ZER1: variants seen among roughly 807,000 people sequenced by gnomAD.
ZER1 encodes zyg-11 related cell cycle regulator.
In ZER1, 11 loss-of-function variants were observed where a neutral mutation model predicts 78.8. That is an observed-to-expected ratio of 0.14 (90% confidence interval 0.09 to 0.23). The LOEUF is 0.23. Ranked by LOEUF, ZER1 falls within the 10% of genes least tolerant of loss-of-function variation. The pLI, the probability that ZER1 is intolerant of heterozygous loss-of-function variation, is 1.00. For synonymous variants in ZER1, 400 were observed against 407.0 expected, an observed-to-expected ratio of 0.98 and a Z score of 0.21; for missense variants, 588 against 996.9, an observed-to-expected ratio of 0.59 and a Z score of 5.52.
intron 1 of ZER1, among the ~76,000 whole-genome samples, chr9:128,761,641 G>A (rs1322479771): frequency 1.5e-5 from 2 of 132,740 alleles, no homozygotes; most frequent in Non-Finnish European, 3.1e-5. Flanking sequence ...GTCTCACTCT[G>A]TCACCCAGGC....
chr9:128,742,281 A>G (rs559108124), intron 9 of ZER1, among the ~76,000 whole-genome samples: 1 of 152,374 alleles, frequency 6.6e-6, no homozygotes, highest in South Asian at 2.1e-4. Flanking sequence ...AGCTTATGAA[A>G]GCAGGATGAG....
chr9:128,734,146 T>TATATAA (rs1862964488), intron 14 of ZER1, among the ~76,000 whole-genome samples: 1 of 22,824 alleles, frequency 4.4e-5, no homozygotes, highest in African/African-American at 1.6e-4. Flanking sequence ...AAAAAAAAAA[T>TATATAA]ATATATATAT....
intron 15 of ZER1, 41 bp from the exon 16 acceptor site, chr9:128,731,435 G>T: frequency 2.8e-6 from 4 of 1,419,940 alleles, no homozygotes; most frequent in Non-Finnish European, 3.0e-6. Context: ...GGTGGGCTTG[G>T]GTGGGGGTGA....
intron 8 of ZER1, 60 bp from the exon 9 acceptor site, chr9:128,742,805 T>C: frequency 1.3e-6 from 2 of 1,522,022 alleles, no homozygotes; most frequent in African/African-American, 1.4e-5. Flanking sequence ...AGCAGGGCTC[T>C]AGGAACTATC....
intron 1 of ZER1, among the ~76,000 whole-genome samples, chr9:128,765,255 G>A (rs957543682): frequency 1.3e-5 from 2 of 151,194 alleles, no homozygotes; most frequent in East Asian, 1.9e-4. Flanking sequence ...ACACACGTGC[G>A]CAAGCGCGCA....
rs567415365 is a variant in ZER1, at chr9:128,739,006, C to A, written c.2042+925G>T. ...AGCTGGGATTACAGGTATGTGCCAC[C>A]ACGCCAGGTTAATTTTTGTATTTTT... On this transcript the variant is annotated intron_variant, in intron 13 of 15. Transcript: ENST00000291900. Among the ~76,000 whole-genome samples the A allele has an allele frequency of 5.3e-5, 8 of 151,784 alleles. No homozygotes were observed. In the East Asian group the frequency reaches 1.6e-3, roughly 30 times the overall value.
chr9:128,733,064 A>T (rs77363747), intron 15 of ZER1: 1 of 188,896 alleles, frequency 5.3e-6, no homozygotes, highest in East Asian at 1.2e-4. Context: ...AATGTATTTT[A>T]CCACACTGTG....
intron 13 of ZER1, among the ~76,000 whole-genome samples, chr9:128,735,761 G>GTTTTTT (rs1564391224): frequency 3.7e-5 from 1 of 26,790 alleles, no homozygotes; most frequent in African/African-American, 1.2e-4. Context: ...GTGTGACCTG[G>GTTTTTT]TTTTTTTTTT....
At chr9:128,746,713 GC>G in intron 8 of ZER1, among the ~76,000 whole-genome samples, 1 of 151,566 alleles carries the variant, frequency 6.6e-6, no homozygotes, top group African/African-American at 2.4e-5. Context: ...TCGGCTCACT[GC>G]AACCTCTGCC....
chr9:128,767,379 G>A (rs2132493681), intron 1 of ZER1, among the ~76,000 whole-genome samples: 1 of 152,044 alleles, frequency 6.6e-6, no homozygotes, highest in East Asian at 1.9e-4. Flanking sequence ...TGGAGTAGCT[G>A]TGACTACAGA....
rs1316082095 is a variant in ZER1 at position 128,740,794 on chromosome 9, A to G, written c.1831T>C (p.Ser611Pro). 6.4e-6 allele frequency: 5 copies of G among 780,936 alleles called. No individual in the cohort carries two copies. The highest frequency in any genetic ancestry group is 1.2e-5 in the Non-Finnish European group (5 of 418,134). The allele number at this position is 780,936 out of a possible 1,614,324, so 48.4% of individuals were successfully genotyped here. ...AACCTGAAGACGCTGATGAACTGGG[A>G]AGTCATTAGTTGAGGCCTCAGCTCC... ...VKELRPQLMT[S>P]QFISVFSNLL... The change falls in exon 12 of 16, where the codon TCC becomes CCC. Residue 611 changes from serine (S) to proline (P), a missense_variant. Coordinates refer to ENST00000291900, the MANE Select transcript of ZER1 (RefSeq NM_006336.4). This position sits in a 1 kb window ranked among gnomAD's most constrained non-coding sequence, Gnocchi z 4.4.
At position 128,732,166 on chromosome 9, in the gene ZER1, C is replaced by A. The variant is rs1862850916; in HGVS notation, c.2244-772G>T. 6.6e-6 allele frequency among the ~76,000 whole-genome samples: 1 copy of A among 152,222 alleles called. No homozygotes were observed. The highest frequency in any genetic ancestry group is 1.5e-5 in the Non-Finnish European group (1 of 68,048). ...ATTGTCCAGGGTCATTTACTCCTTG[C>A]TGTCAGACAGGCCAGTGCCTCAGAT... On this transcript the variant is annotated intron_variant, in intron 15 of 15. Coordinates refer to ENST00000291900, the MANE Select transcript of ZER1 (RefSeq NM_006336.4). This position sits in a 1 kb window ranked among gnomAD's most constrained non-coding sequence, Gnocchi z 4.8.
At chr9:128,734,142 A>ATATATATATATATATATATATATATATAT (rs1372132455) in intron 14 of ZER1, among the ~76,000 whole-genome samples, 1 of 19,630 alleles carries the variant, frequency 5.1e-5, no homozygotes, top group African/African-American at 1.2e-4. Flanking sequence ...AAAAAAAAAA[A>ATATATATATATATATATATATATATATAT]AAATATATAT....
chr9:128,768,446 G>T (rs1864283022), intron 1 of ZER1, among the ~76,000 whole-genome samples: 1 of 152,116 alleles, frequency 6.6e-6, no homozygotes, highest in Admixed American at 6.6e-5. Context: ...GCAAGGGAAG[G>T]CCATTATTCT....
chr9:128,753,619 C>A lies in ZER1; in HGVS notation c.310-19G>T. The A allele has an allele frequency of 1.2e-6, 2 of 1,609,110 alleles. No homozygotes were observed. Among genetic ancestry groups the A allele is most frequent in the Non-Finnish European group, 1.7e-6 (2 of 1,177,590 alleles). On this transcript the variant is annotated intron_variant, in intron 3 of 15. Coordinates refer to ENST00000291900, the MANE Select transcript of ZER1 (RefSeq NM_006336.4). This position sits in a 1 kb window ranked among gnomAD's most constrained non-coding sequence, Gnocchi z 7.5. ...CCAGGTCCTGGGAGTGGGCACAGCTCCATCATCATCACCACCCTTGCCCCT... is the reference window on the plus strand; with the variant it reads ...CCAGGTCCTGGGAGTGGGCACAGCTACATCATCATCACCACCCTTGCCCCT...
At chr9:128,735,192 C>T (rs558946742) in intron 14 of ZER1, 142 bp downstream of exon 14, 28 of 740,596 alleles carry the variant, frequency 3.8e-5, no homozygotes, top group South Asian at 2.2e-4. Flanking sequence ...GTCCCACAAA[C>T]GCTGGAAAGT....
At chr9:128,738,675 G>A (rs958351553) in intron 13 of ZER1, among the ~76,000 whole-genome samples, 4 of 151,624 alleles carry the variant, frequency 2.6e-5, no homozygotes, top group African/African-American at 4.8e-5. Context: ...GTGAGCCACC[G>A]CGCCTGACCT....
chr9:128,744,295 G>A (rs536140097), intron 8 of ZER1, among the ~76,000 whole-genome samples: 199 of 152,072 alleles, frequency 1.3e-3, no homozygotes, highest in Non-Finnish European at 2.1e-3. Flanking sequence ...GGGTCCAAGC[G>A]ATTCTCCTGC....
intron 1 of ZER1, among the ~76,000 whole-genome samples, chr9:128,759,261 C>T (rs1863965272): frequency 6.6e-6 from 1 of 151,950 alleles, no homozygotes; most frequent in South Asian, 2.1e-4. Flanking sequence ...ACCTCCGCCT[C>T]TCAGGTTCAA....
Sources: gnomAD v4.1 joint callset for allele counts (sites outside exome capture counted in the v4.1 genomes callset) on GRCh38, gnomAD v4.1.1 for gene constraint, Gnocchi (gnomAD v3.1) non-coding constraint, MANE v1.5 for transcripts, NCBI Gene and HGNC (gene_info 2026-07-23, HGNC 2026-07-21) for gene names.